The following PLAAT1 variants were observed in gnomAD, a reference collection of about 807,000 sequenced individuals.
PLAAT1 encodes phospholipase A and acyltransferase 1.
A neutral mutation model predicts 16.4 loss-of-function variants in PLAAT1; 13 were observed. The ratio of observed to expected loss-of-function variants is 0.79; its 90% CI spans 0.52 to 1.26. The LOEUF (loss-of-function observed/expected upper bound fraction) is 1.26, where lower values mean the gene tolerates loss of function less well. PLAAT1 is among the 50% of genes most tolerant of loss of function. PLAAT1 has a pLI of 0.00. For missense variants in PLAAT1, 218 were observed against 207.8 expected, an observed-to-expected ratio of 1.05 and a Z score of -0.30; for synonymous variants, 73 against 78.4, an observed-to-expected ratio of 0.93 and a Z score of 0.36.
downstream of PLAAT1, among the ~76,000 whole-genome samples, chr3:193,272,698 C>G (rs1161716633): frequency 6.6e-6 from 1 of 152,154 alleles, no homozygotes; most frequent in Non-Finnish European, 1.5e-5. Context: ...TGTCTCCACT[C>G]CAGAAGACAG....
chr3:193,268,785 C>G (rs1716867405), intron 3 of PLAAT1, among the ~76,000 whole-genome samples: 1 of 152,102 alleles, frequency 6.6e-6, no homozygotes, highest in African/African-American at 2.4e-5. Context: ...GTTGCCCATC[C>G]CCCAACCAGG....
At chr3:193,250,491 GC>G (rs1324913389) in intron 1 of PLAAT1, among the ~76,000 whole-genome samples, 1 of 152,134 alleles carries the variant, frequency 6.6e-6, no homozygotes, top group African/African-American at 2.4e-5. Flanking sequence ...AAGTTAAAAA[GC>G]CACGTTTTTG....
At chr3:193,243,277 T>C (rs933638970) in intron 1 of PLAAT1, among the ~76,000 whole-genome samples, 20 of 152,372 alleles carry the variant, frequency 1.3e-4, no homozygotes, top group African/African-American at 3.6e-4. Flanking sequence ...CTCATACTTA[T>C]GAAGCACTGC....
chr3:193,246,688 C>T (rs1715996774), intron 1 of PLAAT1, among the ~76,000 whole-genome samples: 1 of 152,152 alleles, frequency 6.6e-6, no homozygotes, highest in Non-Finnish European at 1.5e-5. Context: ...TATATGTTCA[C>T]CCATCCTTGC....
chr3:193,246,697 G>C (rs1286732218), intron 1 of PLAAT1, among the ~76,000 whole-genome samples: 1 of 152,158 alleles, frequency 6.6e-6, no homozygotes, highest in Non-Finnish European at 1.5e-5. Flanking sequence ...ACCCATCCTT[G>C]CATCCCTGGG....
At chr3:193,253,434 C>CCAAT (rs1351054719) in intron 1 of PLAAT1, among the ~76,000 whole-genome samples, 1 of 152,110 alleles carries the variant, frequency 6.6e-6, no homozygotes, top group Non-Finnish European at 1.5e-5. Context: ...AAACCATGTA[C>CCAAT]CAATCTCAAT....
intron 3 of PLAAT1, among the ~76,000 whole-genome samples, chr3:193,268,304 C>T (rs982966596): frequency 5.3e-5 from 8 of 152,276 alleles, no homozygotes; most frequent in South Asian, 2.1e-4. Flanking sequence ...TGCAGCCTTA[C>T]GAGGCCTTAG....
chr3:193,257,183 TACAG>T (rs1273184511), intron 2 of PLAAT1, among the ~76,000 whole-genome samples: 2 of 152,164 alleles, frequency 1.3e-5, no homozygotes, highest in Non-Finnish European at 2.9e-5. Context: ...AACTACCTGT[TACAG>T]TTAAAGAATC....
At chr3:193,264,328 T>G (rs1284699666) in intron 3 of PLAAT1, among the ~76,000 whole-genome samples, 1 of 152,178 alleles carries the variant, frequency 6.6e-6, no homozygotes, top group Admixed American at 6.5e-5. Flanking sequence ...AAAATCCTAC[T>G]TATCCTGCCC....
At chr3:193,253,594 A>G (rs1051621798) in intron 1 of PLAAT1, among the ~76,000 whole-genome samples, 1 of 152,144 alleles carries the variant, frequency 6.6e-6, no homozygotes, top group Non-Finnish European at 1.5e-5. Context: ...AAACAAAATC[A>G]GGCTTATATG....
At chr3:193,247,823 G>C (rs1376609808) in intron 1 of PLAAT1, among the ~76,000 whole-genome samples, 1 of 152,146 alleles carries the variant, frequency 6.6e-6, no homozygotes, top group African/African-American at 2.4e-5. Flanking sequence ...TCTTAAATTT[G>C]TTGAGATTTG....
chr3:193,254,398 T>C (rs1379848085), intron 1 of PLAAT1, among the ~76,000 whole-genome samples: 2 of 152,194 alleles, frequency 1.3e-5, no homozygotes, highest in African/African-American at 2.4e-5. Context: ...ATTTGTTTCA[T>C]AAATGAGCAT....
At chr3:193,264,214 G>T (rs971820596) in intron 3 of PLAAT1, among the ~76,000 whole-genome samples, 2 of 152,124 alleles carry the variant, frequency 1.3e-5, no homozygotes, top group Non-Finnish European at 2.9e-5. Flanking sequence ...AGTAAGAAAT[G>T]AGGTTATAAT....
chr3:193,241,783 A>T (rs563324551), intron 1 of PLAAT1, among the ~76,000 whole-genome samples: 1 of 152,278 alleles, frequency 6.6e-6, no homozygotes. Context: ...TACTGTCCTC[A>T]CTGAAGTGAA....
At chr3:193,276,129 G>A (rs1329046538) in intron 2 of PLAAT1, among the ~76,000 whole-genome samples, 4 of 151,878 alleles carry the variant, frequency 2.6e-5, no homozygotes, top group Admixed American at 2.6e-4. Flanking sequence ...TATATAATGA[G>A]GTGTATATAT....
At chr3:193,279,726 C>T (rs1717394990), downstream of PLAAT1, among the ~76,000 whole-genome samples, 1 of 152,050 alleles carries the variant, frequency 6.6e-6, no homozygotes, top group Non-Finnish European at 1.5e-5. Flanking sequence ...ACTATCACTG[C>T]GTGTCCAGTG....
At chr3:193,254,568 C>T (rs1013852587) in intron 1 of PLAAT1, among the ~76,000 whole-genome samples, 12 of 152,208 alleles carry the variant, frequency 7.9e-5, no homozygotes, top group African/African-American at 2.9e-4. Flanking sequence ...AAAATATAAC[C>T]TTTCATAAGA....
intron 3 of PLAAT1, among the ~76,000 whole-genome samples, chr3:193,267,044 AT>A (rs1716804265): frequency 6.6e-6 from 1 of 152,122 alleles, no homozygotes; most frequent in South Asian, 2.1e-4. Context: ...TTTGAAAAAA[AT>A]AATAGATTCA....
chr3:193,265,154 T>C (rs1716735338), intron 3 of PLAAT1, among the ~76,000 whole-genome samples: 1 of 152,226 alleles, frequency 6.6e-6, no homozygotes, highest in Non-Finnish European at 1.5e-5. Context: ...TAATCCTAGG[T>C]ATATATCCAA....
Sources: allele counts gnomAD v4.1 joint callset (sites outside exome capture counted in the v4.1 genomes callset), GRCh38; gene constraint gnomAD v4.1.1; transcripts MANE v1.5; gene names NCBI Gene and HGNC (gene_info 2026-07-23, HGNC 2026-07-21).